Variants in SPNS1 observed in about 807,000 individuals in gnomAD.
SPNS1 encodes protein spinster homolog 1.
Under a neutral mutation model 50.3 loss-of-function variants are expected in SPNS1, and 22 were observed. The ratio of observed to expected loss-of-function variants is 0.44; its 90% CI spans 0.31 to 0.62. The LOEUF is 0.62. Among genes scored for constraint, SPNS1 ranks in the 20% least tolerant of loss-of-function variants. SPNS1 has a pLI of 0.07. For synonymous variants in SPNS1, 295 were observed against 317.4 expected (o/e 0.93, Z 0.75); for missense variants, 576 against 728.6 (o/e 0.79, Z 2.41).
In SPNS1 at chr16:28,981,910, C is replaced by T. The variant is rs777844308; in HGVS notation, c.819C>T (p.Phe273=). 3.7e-6 allele frequency: 6 copies of T among 1,614,048 alleles called. No homozygotes were observed. Among genetic ancestry groups the T allele is most frequent in the Middle Eastern group, 3.3e-4 (2 of 6,084 alleles). ...TCCCAACTATCTGCAGTCCTAGTTT[C>T]GTCCTGTCTTCCCTGGGCTTCACTG... is the stretch of plus-strand genomic sequence containing the variant. ...DLRALARNPS[F]VLSSLGFTAV... is the part of the protein sequence containing the mutation. Residue 273 remains phenylalanine, a synonymous_variant, in exon 7 of 12, where the codon TTC becomes TTT. Coordinates refer to ENST00000311008, the MANE Select transcript of SPNS1 (RefSeq NM_032038.3). The surrounding 1 kb of genome is among the most constrained non-coding windows in gnomAD (Gnocchi z 4.2).
In SPNS1 at chr16:28,981,698, G is replaced by A. The variant is rs1965559059; in HGVS notation, c.809+83G>A. ...TTTAAGTGGGGATGTTCCTGTTCCT[G>A]GCCACACCCCAAGGCCAGTAATTCG... is the stretch of plus-strand genomic sequence containing the variant. On this transcript the variant is annotated intron_variant, in intron 6 of 11. Transcript: ENST00000311008. This position sits in a 1 kb window ranked among gnomAD's most constrained non-coding sequence, Gnocchi z 4.2. 29 of 1,566,856 alleles carry A rather than the reference G, an allele frequency of 1.9e-5. 1 individual carries two copies. Among genetic ancestry groups the A allele is most frequent in the Middle Eastern group, 1.7e-4 (1 of 5,868 alleles).
rs750846045 is a variant in SPNS1, at chr16:28,981,349, C to T, written c.664-121C>T. The T allele has an allele frequency of 2.3e-6, 3 of 1,310,648 alleles. No homozygotes were observed. Among genetic ancestry groups the T allele is most frequent in the Non-Finnish European group, 3.1e-6 (3 of 961,128 alleles). 81.2% of individuals were successfully genotyped at this position (1,310,648 alleles called of 1,614,324 possible). A position where few individuals can be genotyped will look rare whatever the true frequency, so the allele number is the denominator to read the frequency against. On this transcript the variant is annotated intron_variant, in intron 5 of 11. Coordinates refer to ENST00000311008, the MANE Select transcript of SPNS1 (RefSeq NM_032038.3). The surrounding 1 kb of genome is among the most constrained non-coding windows in gnomAD (Gnocchi z 4.2). ...AGATTGCAGGTTCGGCTTCTTGGAG[C>T]AGGCACTTAACTGGGTATTTTAGGT...
chr16:28,981,488 G>C lies in SPNS1; in HGVS notation c.682G>C (p.Val228Leu). 6.2e-7 allele frequency: 1 copy of C among 1,614,140 alleles called. No homozygotes were observed. Among genetic ancestry groups the C allele is most frequent in the Non-Finnish European group, 8.5e-7 (1 of 1,180,014 alleles). Residue 228 changes from valine (V) to leucine (L), a missense_variant, in exon 6 of 12, where the codon GTG becomes CTG. Val to Leu is a conservative substitution (Grantham distance 32). Around this residue, in one of 3 missense-constraint regions of SPNS1, gnomAD observed 428 missense variants for 520.1 expected, o/e 0.82. Coordinates refer to ENST00000311008, the MANE Select transcript of SPNS1 (RefSeq NM_032038.3). This position sits in a 1 kb window ranked among gnomAD's most constrained non-coding sequence, Gnocchi z 4.2. ...CTCCCAGGTGACACCGGGTCTAGGA[G>C]TGGTGGCCGTTCTGCTGCTGTTCCT... ...WALRVTPGLG[V>L]VAVLLLFLVV...
In SPNS1 at chr16:28,981,638, C is replaced by A. The variant is rs1055415704; in HGVS notation, c.809+23C>A. The A allele has an allele frequency of 6.2e-7, 1 of 1,610,944 alleles. No individual in the cohort carries two copies. Among genetic ancestry groups the A allele is most frequent in the Non-Finnish European group, 8.5e-7 (1 of 1,177,724 alleles). The stretch of plus-strand genomic sequence containing the variant: ...AAAGTGAGTTTATTCCCACCCTAGA[C>A]CACCATCTGAGGCCCCCTGGCGTCT... On this transcript the variant is annotated intron_variant, in intron 6 of 11. Coordinates refer to ENST00000311008, the MANE Select transcript of SPNS1 (RefSeq NM_032038.3). The surrounding 1 kb of genome is among the most constrained non-coding windows in gnomAD (Gnocchi z 4.2).
In SPNS1 at chr16:28,979,251, G is replaced by A. The variant is rs992841213; in HGVS notation, c.541G>A (p.Ala181Thr). The A allele has an allele frequency of 4.3e-6, 7 of 1,614,178 alleles. No individual in the cohort carries two copies. The highest frequency in any genetic ancestry group is 4.5e-5 in the East Asian group (2 of 44,884). ...CACTCTCATTGCCGACCTCTTTGTG[G>A]CCGACCAGCGGAGCCGGATGCTCAG... The part of the protein sequence containing the change: ...APTLIADLFV[A>T]DQRSRMLSIF... Residue 181 changes from alanine (A) to threonine (T), a missense_variant, in exon 4 of 12, where the codon GCC becomes ACC. Physicochemically the swap from Ala to Thr is moderately conservative, Grantham distance 58. Transcript: ENST00000311008.
Position 28,981,800 on chromosome 16 carries a change from G to A in SPNS1, c.810-101G>A. 1 of 1,542,912 alleles carries A rather than the reference G, an allele frequency of 6.5e-7. No homozygotes were observed. Among genetic ancestry groups the A allele is most frequent in the Non-Finnish European group, 8.9e-7 (1 of 1,129,132 alleles). On this transcript the variant is annotated intron_variant, in intron 6 of 11. Transcript: ENST00000311008. This position sits in a 1 kb window ranked among gnomAD's most constrained non-coding sequence, Gnocchi z 4.2. ...GGAGCCAGAACCACCTCTGCACGGT[G>A]TTGTGACCTTACTAAAATAAGCCAG... is the stretch of plus-strand genomic sequence containing the variant.
chr16:28,982,911 G>A lies in SPNS1; in HGVS notation c.1210G>A (p.Asp404Asn), dbSNP rs753688145. The A allele has an allele frequency of 5.0e-6, 8 of 1,613,842 alleles. No homozygotes were observed. Among genetic ancestry groups the A allele is most frequent in the Admixed American group, 1.7e-5 (1 of 59,982 alleles). The change falls in exon 9 of 12, where the codon GAC becomes AAC. Residue 404 changes from aspartate (D) to asparagine (N), a missense_variant. Physicochemically the swap from Asp to Asn is conservative, Grantham distance 23. This residue lies in a region of SPNS1 where 428 missense variants were observed against 520.1 expected (regional missense o/e 0.82). Coordinates refer to ENST00000311008, the MANE Select transcript of SPNS1 (RefSeq NM_032038.3). ...LLSMNWAIVA[D>N]ILLYVVIPTR... ...GTCCATGAACTGGGCCATCGTGGCC[G>A]ACATTCTGCTGGTGAGTTGCTGGGC... is the stretch of plus-strand genomic sequence containing the variant.
chr16:28,975,225 C>T lies in SPNS1; in HGVS notation c.74C>T (p.Pro25Leu), dbSNP rs748041686. The T allele has an allele frequency of 1.6e-5, 25 of 1,518,680 alleles. No homozygotes were observed. The highest frequency in any genetic ancestry group is 2.0e-5 in the Non-Finnish European group (23 of 1,131,514). The allele number at this position is 1,518,680 out of a possible 1,614,324, so 94.1% of individuals were successfully genotyped here. Residue 25 changes from proline (P) to leucine (L), a missense_variant, in exon 1 of 12, where the codon CCG becomes CTG. By Grantham distance (98) the Pro-to-Leu change is moderately conservative. Coordinates refer to ENST00000311008, the MANE Select transcript of SPNS1 (RefSeq NM_032038.3). ...DPDDGPVPGT[P>L]GLPGSTGNPK... ...GACGACGGGCCAGTGCCTGGCACCC[C>T]GGGGTTGCCAGGGTCCACGGGGAAC... is the stretch of plus-strand genomic sequence containing the variant.
At chr16:28,975,907 T>C (rs1965324690) in intron 2 of SPNS1, among the ~76,000 whole-genome samples, 1 of 152,192 alleles carries the variant, frequency 6.6e-6, no homozygotes, top group South Asian at 2.1e-4. Context: ...AGGACTGATG[T>C]GAAGATTAAC....
chr16:28,983,342 C>A lies in SPNS1; in HGVS notation c.1320+52C>A. On this transcript the variant is annotated intron_variant, in intron 10 of 11. Coordinates refer to ENST00000311008, the MANE Select transcript of SPNS1 (RefSeq NM_032038.3). The surrounding 1 kb of genome is among the most constrained non-coding windows in gnomAD (Gnocchi z 5.4). The stretch of plus-strand genomic sequence containing the variant: ...GGGTGGCTGGTGTCCTGAGCCTGGG[C>A]TGGATCAGAAGGCCTGGCCCTAGTG... The A allele has an allele frequency of 6.8e-7, 1 of 1,474,508 alleles. No individual in the cohort carries two copies. The highest frequency in any genetic ancestry group is 9.5e-7 in the Non-Finnish European group (1 of 1,053,178). The allele number at this position is 1,474,508 out of a possible 1,614,324, so 91.3% of individuals were successfully genotyped here.
intron 5 of SPNS1, 51 bp downstream of exon 5, chr16:28,979,522 C>G (rs780658050): frequency 1.3e-6 from 2 of 1,589,940 alleles, no homozygotes; most frequent in African/African-American, 2.7e-5. Context: ...TCACTGATCC[C>G]TGTTTCCTAC....
Position 28,981,714 on chromosome 16 carries a change from C to G in SPNS1, c.809+99C>G, listed in dbSNP as rs1379335652. The G allele has an allele frequency of 1.9e-6, 3 of 1,546,062 alleles. No individual in the cohort carries two copies. Among genetic ancestry groups the G allele is most frequent in the African/African-American group, 1.4e-5 (1 of 73,320 alleles). ...CCTGTTCCTGGCCACACCCCAAGGC[C>G]AGTAATTCGGTCGATACTGTCCCCT... is the stretch of plus-strand genomic sequence containing the variant. On this transcript the variant is annotated intron_variant, in intron 6 of 11. Transcript: ENST00000311008. This position sits in a 1 kb window ranked among gnomAD's most constrained non-coding sequence, Gnocchi z 4.2.
chr16:28,979,923 T>C, intron 5 of SPNS1: 1 of 171,308 alleles, frequency 5.8e-6, no homozygotes, highest in Admixed American at 5.8e-5. Flanking sequence ...CTCGGGGGGC[T>C]GAGGTAGGAG....
chr16:28,982,067 G>C lies in SPNS1; in HGVS notation c.965+11G>C. 4 of 1,612,820 alleles carry C rather than the reference G, an allele frequency of 2.5e-6. No homozygotes were observed. Among genetic ancestry groups the C allele is most frequent in the Non-Finnish European group, 3.4e-6 (4 of 1,179,286 alleles). On this transcript the variant is annotated intron_variant, in intron 7 of 11. Coordinates refer to ENST00000311008, the MANE Select transcript of SPNS1 (RefSeq NM_032038.3). ...CTCTTCCTCTGACAGGTGCCCAGAT[G>C]GGGCTATGCTGGGGGGCCTGCGGGT...
chr16:28,979,051 G>T, intron 3 of SPNS1, 104 bp from the exon 4 acceptor site: 1 of 1,413,416 alleles, frequency 7.1e-7, no homozygotes, highest in South Asian at 1.3e-5. Flanking sequence ...CTAAAACCCA[G>T]GCATCTCCCG....
In SPNS1 at chr16:28,974,933, C is replaced by T; in HGVS notation, c.-219C>T. On this transcript the variant is annotated 5_prime_UTR_variant, in exon 1 of 12. Coordinates refer to ENST00000311008, the MANE Select transcript of SPNS1 (RefSeq NM_032038.3). ...TCCTGTCCCCGACATCACGTGTATT[C>T]CGCACGTCCCCTCCGCGCTGTGTGT... 1 of 1,503,010 alleles carries T rather than the reference C, an allele frequency of 6.7e-7. No individual in the cohort carries two copies. The highest frequency in any genetic ancestry group is 1.2e-5 in the South Asian group (1 of 80,182). 93.1% of individuals were successfully genotyped at this position (1,503,010 alleles called of 1,614,324 possible). A position where few individuals can be genotyped will look rare whatever the true frequency, so the allele number is the denominator to read the frequency against.
At position 28,981,671 on chromosome 16, in the gene SPNS1, G is replaced by T. The variant is rs1965557550; in HGVS notation, c.809+56G>T. On this transcript the variant is annotated intron_variant, in intron 6 of 11. Coordinates refer to ENST00000311008, the MANE Select transcript of SPNS1 (RefSeq NM_032038.3). The surrounding 1 kb of genome is among the most constrained non-coding windows in gnomAD (Gnocchi z 4.2). Reference sequence around the variant, plus strand: ...TGAGGCCCCCTGGCGTCTGGTTTGAGGTTTAAGTGGGGATGTTCCTGTTCC... The same window carrying T: ...TGAGGCCCCCTGGCGTCTGGTTTGATGTTTAAGTGGGGATGTTCCTGTTCC... 1.3e-6 allele frequency: 2 copies of T among 1,593,286 alleles called. No homozygotes were observed. Among genetic ancestry groups the T allele is most frequent in the Admixed American group, 3.4e-5 (2 of 58,532 alleles).
chr16:28,983,636 G>T lies in SPNS1; in HGVS notation c.1321-150G>T. 1.1e-6 allele frequency: 1 copy of T among 933,474 alleles called. No individual in the cohort carries two copies. Among genetic ancestry groups the T allele is most frequent in the Non-Finnish European group, 1.6e-6 (1 of 633,312 alleles). 57.8% of individuals were successfully genotyped at this position (933,474 alleles called of 1,614,324 possible). On this transcript the variant is annotated intron_variant, in intron 10 of 11. Transcript: ENST00000311008. The surrounding 1 kb of genome is among the most constrained non-coding windows in gnomAD (Gnocchi z 5.4). ...CCCACCTCAGCCTCCTGAGTAGCTG[G>T]GATGATAGGCATGAGCCACTGCATC... is the stretch of plus-strand genomic sequence containing the variant.
intron 2 of SPNS1, among the ~76,000 whole-genome samples, chr16:28,977,582 G>A (rs1425713258): frequency 6.6e-6 from 1 of 152,218 alleles, no homozygotes; most frequent in Admixed American, 6.5e-5. Context: ...GGCCATGAGT[G>A]TGGAGAGGTA....
Sources: gnomAD v4.1 joint callset for allele counts (sites outside exome capture counted in the v4.1 genomes callset) on GRCh38, gnomAD v4.1.1 for gene constraint, gnomAD v4.1.1 regional missense constraint, Gnocchi (gnomAD v3.1) non-coding constraint, MANE v1.5 for transcripts, NCBI Gene and HGNC (gene_info 2026-07-23, HGNC 2026-07-21) for gene names.